The following C2orf49 variants were observed in gnomAD, a reference collection of about 807,000 sequenced individuals.
C2orf49 encodes the protein tRNA splicing ligase complex subunit 2, also known as tRNA-splicing ligase complex subunit ASW.
Under a neutral mutation model 20.6 loss-of-function variants are expected in C2orf49, and 11 were observed. The observed-to-expected ratio is 0.53, with a 90% CI of 0.34 to 0.88. The LOEUF (loss-of-function observed/expected upper bound fraction) is 0.88, where lower values mean the gene tolerates loss of function less well. Among genes scored for constraint, C2orf49 ranks in the 40% least tolerant of loss-of-function variants. The pLI, the probability that C2orf49 is intolerant of heterozygous loss-of-function variation, is 0.02. For synonymous variants in C2orf49, 134 were observed against 108.5 expected (o/e 1.24, Z -1.46); for missense variants, 289 against 274.2 (o/e 1.05, Z -0.38).
At chr2:105,350,074 T>G (rs1214288411), downstream of C2orf49, among the ~76,000 whole-genome samples, 1 of 152,238 alleles carries the variant, frequency 6.6e-6, no homozygotes, top group Non-Finnish European at 1.5e-5. Flanking sequence ...CTGCCAGATG[T>G]GACCACTAGT....
At chr2:105,376,465 T>A in the C2orf49 span, 21 of 152,334 alleles carry the variant, frequency 1.4e-4, no homozygotes, top group Non-Finnish European at 2.8e-4. Context: ...TGAATAAAAT[T>A]GAACAAATCA....
At chr2:105,352,436 T>TTG (rs1312486212), downstream of C2orf49, among the ~76,000 whole-genome samples, 2 of 123,380 alleles carry the variant, frequency 1.6e-5, no homozygotes, top group Non-Finnish European at 3.6e-5. Context: ...TGGGTTTTTT[T>TTG]TTTTTTTTTT....
chr2:105,357,150 TTTTTCTCTCTCC>T, the C2orf49 span, among the ~76,000 whole-genome samples: 1 of 147,802 alleles, frequency 6.8e-6, no homozygotes, highest in South Asian at 2.1e-4. Flanking sequence ...TCCTGTTCTT[TTTTTCTCTCTCC>T]TAGCCTTCTA....
chr2:105,365,959 C>T, the C2orf49 span, among the ~76,000 whole-genome samples: 1 of 151,950 alleles, frequency 6.6e-6, no homozygotes, highest in East Asian at 1.9e-4. Context: ...AATCCCAGCA[C>T]TTTGGGAGGT....
At chr2:105,384,436 G>A in the C2orf49 span, among the ~76,000 whole-genome samples, 3 of 152,172 alleles carry the variant, frequency 2.0e-5, no homozygotes, top group African/African-American at 7.2e-5. Context: ...AGAAGAGTAC[G>A]AGTGCGAGTG....
At position 105,342,492 on chromosome 2, in the gene C2orf49, T is replaced by C. The variant is rs141460788; in HGVS notation, c.267-356T>C. 6.1e-3 allele frequency among the ~76,000 whole-genome samples: 926 copies of C among 152,022 alleles called. 14 individuals carry two copies. The highest frequency in any genetic ancestry group is 0.021 in the African/African-American group (882 of 41,282). Reference sequence around the variant, plus strand: ...ATAGTTTATCATCCTTTTAAAATAATAACTGATTACATGGTTAAGATAACC... The same window carrying C: ...ATAGTTTATCATCCTTTTAAAATAACAACTGATTACATGGTTAAGATAACC... On this transcript the variant is annotated intron_variant, in intron 2 of 3. Coordinates refer to ENST00000258457, the MANE Select transcript of C2orf49 (RefSeq NM_024093.3).
the C2orf49 span, chr2:105,363,184 G>T: frequency 1.2e-5 from 14 of 1,121,504 alleles, no homozygotes; most frequent in Non-Finnish European, 1.8e-5. Context: ...CCTTAGGGAG[G>T]TCTGGGGAGT....
chr2:105,339,144 TA>T (rs2104444031), intron 1 of C2orf49, among the ~76,000 whole-genome samples: 1 of 152,344 alleles, frequency 6.6e-6, no homozygotes, highest in South Asian at 2.1e-4. Context: ...GCACGAGAAA[TA>T]TAAGACAGAC....
chr2:105,385,857 A>T, the C2orf49 span: 6 of 171,300 alleles, frequency 3.5e-5, no homozygotes, highest in East Asian at 9.7e-4. Flanking sequence ...AACAATACAA[A>T]TCCTGTCCTT....
chr2:105,341,544 G>T (rs1415787176), intron 2 of C2orf49, among the ~76,000 whole-genome samples: 1 of 152,220 alleles, frequency 6.6e-6, no homozygotes, highest in Non-Finnish European at 1.5e-5. Flanking sequence ...TTGAATCTTA[G>T]ATTAAGCAAG....
At chr2:105,374,630 G>T in the C2orf49 span, 1 of 152,046 alleles carries the variant, frequency 6.6e-6, no homozygotes, top group Non-Finnish European at 1.5e-5. Flanking sequence ...AAAGATGAGG[G>T]AGAGAAAGGA....
the C2orf49 span, among the ~76,000 whole-genome samples, chr2:105,367,168 C>CT: frequency 6.6e-6 from 1 of 152,226 alleles, no homozygotes; most frequent in South Asian, 2.1e-4. Context: ...TCTCTCCTCC[C>CT]TTCCTCTCCT....
the C2orf49 span, among the ~76,000 whole-genome samples, chr2:105,356,291 T>G: frequency 6.6e-6 from 1 of 152,184 alleles, no homozygotes; most frequent in African/African-American, 2.4e-5. Context: ...CTCAGGAGGC[T>G]GAGGCAGGAG....
the C2orf49 span, among the ~76,000 whole-genome samples, chr2:105,369,587 C>T: frequency 6.6e-6 from 1 of 152,252 alleles, no homozygotes; most frequent in African/African-American, 2.4e-5. Flanking sequence ...CTATGGAATT[C>T]AATTGTGGGG....
intron 2 of C2orf49, among the ~76,000 whole-genome samples, chr2:105,341,324 C>T (rs946122251): frequency 2.6e-5 from 4 of 152,174 alleles, no homozygotes; most frequent in African/African-American, 7.2e-5. Context: ...TGGAAAGGAT[C>T]TTTGACTCTA....
chr2:105,344,579 G>A (rs1398481921), intron 3 of C2orf49, among the ~76,000 whole-genome samples: 1 of 151,570 alleles, frequency 6.6e-6, no homozygotes, highest in Non-Finnish European at 1.5e-5. Flanking sequence ...TTGTGTTTTT[G>A]TTGTGTTGTT....
At chr2:105,363,843 C>T in the C2orf49 span, among the ~76,000 whole-genome samples, 1 of 152,186 alleles carries the variant, frequency 6.6e-6, no homozygotes, top group Non-Finnish European at 1.5e-5. Flanking sequence ...TGAATCCTAA[C>T]CCTACTCCTT....
At chr2:105,384,259 T>C in the C2orf49 span, among the ~76,000 whole-genome samples, 5 of 152,358 alleles carry the variant, frequency 3.3e-5, no homozygotes, top group East Asian at 9.6e-4. Context: ...TCTCGGGCTA[T>C]CTACTTCTTC....
the C2orf49 span, chr2:105,363,532 A>C: frequency 4.8e-6 from 7 of 1,447,148 alleles, no homozygotes; most frequent in African/African-American, 1.4e-5. Context: ...CTTCAGTCTC[A>C]GCTACTGCCA....
Sources: gnomAD v4.1 joint callset for allele counts (sites outside exome capture counted in the v4.1 genomes callset) on GRCh38, gnomAD v4.1.1 for gene constraint, MANE v1.5 for transcripts, NCBI Gene and HGNC (gene_info 2026-07-23, HGNC 2026-07-21) for gene names.